The following MAP3K9 variants were observed in gnomAD, a reference collection of about 807,000 sequenced individuals.
MAP3K9 encodes the protein mitogen-activated protein kinase kinase kinase 9, also known as mixed lineage kinase 1 (tyr and ser/thr specificity).
In MAP3K9, 46 loss-of-function variants were observed where a neutral mutation model predicts 95.8. The observed-to-expected ratio is 0.48, with a 90% CI of 0.38 to 0.61. The LOEUF (loss-of-function observed/expected upper bound fraction) is 0.61, where lower values mean the gene tolerates loss of function less well. MAP3K9 is among the 20% of genes least tolerant of loss of function. The probability of loss-of-function intolerance (pLI) is 0.00; values close to 1 mark genes in which losing one functional copy is unlikely to be tolerated. For missense variants in MAP3K9, 1,296 were observed against 1,474.3 expected, an observed-to-expected ratio of 0.88 and a Z score of 1.98; for synonymous variants, 533 against 593.8, an observed-to-expected ratio of 0.90 and a Z score of 1.49.
rs2053928627 is a variant in MAP3K9, at chr14:70,732,879, GGCAGAGGGGTCT to G, written c.2478_2489del (p.Asp827_Ala830del). The G allele has an allele frequency of 1.2e-6, 2 of 1,613,898 alleles. No homozygotes were observed. The highest frequency in any genetic ancestry group is 8.5e-7 in the Non-Finnish European group (1 of 1,179,842). On this transcript the variant is annotated inframe_deletion, in exon 11 of 12. Coordinates refer to ENST00000554752, the MANE Select transcript of MAP3K9 (RefSeq NM_001284230.2). ...AGGAGAGGGAGAGCAGCGTCAGGGA[GGCAGAGGGGTCT>G]CCTAGCAACAGCATGGGCTCCTCCT...
chr14:70,751,797 C>G (rs1253082282), intron 3 of MAP3K9, among the ~76,000 whole-genome samples: 6 of 152,178 alleles, frequency 3.9e-5, no homozygotes, highest in Non-Finnish European at 7.4e-5. Context: ...AGACACTTTA[C>G]AAACATCACT....
rs373164855 is a variant in MAP3K9 at position 70,733,204 on chromosome 14, G to A, written c.2165C>T (p.Thr722Ile). 1.9e-6 allele frequency: 3 copies of A among 1,611,438 alleles called. No individual in the cohort carries two copies. Among genetic ancestry groups the A allele is most frequent in the Non-Finnish European group, 2.5e-6 (3 of 1,178,106 alleles). Reference sequence around the variant, plus strand: ...GGTACTCGTGGCCGAGTTGACTGGGGTGGGCTCCTCATGGATTCCATCACT... The same window carrying A: ...GGTACTCGTGGCCGAGTTGACTGGGATGGGCTCCTCATGGATTCCATCACT... ...PSSDGIHEEP[T>I]PVNSATSTPQ... Residue 722 changes from threonine to isoleucine, a missense_variant, in exon 11 of 12, where the codon ACC (threonine) becomes ATC (isoleucine). Thr to Ile is a moderately conservative substitution (Grantham distance 89). Coordinates refer to ENST00000554752, the MANE Select transcript of MAP3K9 (RefSeq NM_001284230.2).
intron 1 of MAP3K9, among the ~76,000 whole-genome samples, chr14:70,806,188 CA>C (rs1342455070): frequency 1.3e-5 from 2 of 152,190 alleles, no homozygotes; most frequent in African/African-American, 4.8e-5. Flanking sequence ...CCGAGTGACA[CA>C]AACTGATCTG....
In MAP3K9 at chr14:70,742,561, G is replaced by A. The variant is rs752979159; in HGVS notation, c.1357C>T (p.Arg453Trp). Residue 453 changes from arginine to tryptophan, a missense_variant, in exon 6 of 12, where the codon CGG becomes TGG. Physicochemically the swap from Arg to Trp is moderately radical, Grantham distance 101. Coordinates refer to ENST00000554752, the MANE Select transcript of MAP3K9 (RefSeq NM_001284230.2). ...ELRTWEEELT[R>W]AALQQKNQEE... ...TGGTTCTTCTGCTGCAGTGCAGCCC[G>A]CGTCAGCTCCTCCTCCCAGGTGCGA... 8.7e-6 allele frequency: 14 copies of A among 1,613,970 alleles called. No individual in the cohort carries two copies. Among genetic ancestry groups the A allele is most frequent in the East Asian group, 2.2e-5 (1 of 44,892 alleles).
chr14:70,739,490 A>ATAGG (rs1245102941), intron 7 of MAP3K9, among the ~76,000 whole-genome samples: 1 of 135,006 alleles, frequency 7.4e-6, no homozygotes, highest in Non-Finnish European at 1.6e-5. Flanking sequence ...TCATTCACAT[A>ATAGG]TAGGTGTATG....
At chr14:70,778,276 ATTTT>A (rs71105734) in intron 2 of MAP3K9, among the ~76,000 whole-genome samples, 1 of 122,848 alleles carries the variant, frequency 8.1e-6, no homozygotes. Context: ...ACGCCCAGCT[ATTTT>A]TTTTTTTTTT....
intron 3 of MAP3K9, among the ~76,000 whole-genome samples, chr14:70,755,878 T>G (rs1041145214): frequency 6.6e-6 from 1 of 152,178 alleles, no homozygotes; most frequent in Non-Finnish European, 1.5e-5. Context: ...CTAGAGCAAC[T>G]AGAGACCTGC....
At position 70,730,326 on chromosome 14, in the gene MAP3K9, A is replaced by G. The variant is rs538952720; in HGVS notation, c.*54T>C. The G allele has an allele frequency of 5.4e-4, 844 of 1,560,654 alleles. 14 individuals are homozygous for G. In the South Asian group the frequency reaches 9.5e-3, roughly 18 times the overall value. ...ACCCTGAGAAAGGGCTGTGCCCGCC[A>G]GCTCCCCTCATCTCCGCTGGCTGTC... On this transcript the variant is annotated 3_prime_UTR_variant, in exon 12 of 12. Transcript: ENST00000554752.
rs773588650 is a variant in MAP3K9 at position 70,730,837 on chromosome 14, C to T, written c.2858G>A (p.Arg953Gln). ...GAGACGGGGGAATTCACCTGGGTCT[C>T]GGCTGGGACTGGGGGTTTTCAACAT... ...AGMLKTPSPS[R>Q]DPGEFPRLPD... The change falls in exon 12 of 12, where the codon CGA becomes CAA. Residue 953 changes from arginine to glutamine, a missense_variant. By Grantham distance (43) the Arg-to-Gln change is conservative. Coordinates refer to ENST00000554752, the MANE Select transcript of MAP3K9 (RefSeq NM_001284230.2). 4.2e-5 allele frequency: 68 copies of T among 1,608,372 alleles called. No individual in the cohort carries two copies. The Admixed American group carries it at 7.7e-4, about 18-fold the overall frequency.
chr14:70,796,177 T>C (rs767274499), intron 2 of MAP3K9, among the ~76,000 whole-genome samples: 53 of 152,188 alleles, frequency 3.5e-4, no homozygotes, highest in Admixed American at 6.5e-5. Flanking sequence ...ACCTTTCCAT[T>C]TAAGACCATC....
At position 70,748,868 on chromosome 14, in the gene MAP3K9, C is replaced by T; in HGVS notation, c.1287G>A (p.Glu429=). The T allele has an allele frequency of 5.6e-6, 9 of 1,613,904 alleles. No individual in the cohort carries two copies. The highest frequency in any genetic ancestry group is 7.6e-6 in the Non-Finnish European group (9 of 1,179,936). Residue 429 remains glutamate (E), a synonymous_variant, in exon 5 of 12, where the codon GAG becomes GAA. Transcript: ENST00000554752. ...TGAGTTGGTCAAACATCTCCTGAAT[C>T]TCGTGTTTCCAGTTGTCCTGCAGGC... ...FHCLQDNWKH[E]IQEMFDQLRA... is the part of the protein sequence containing the mutation.
At chr14:70,786,143 C>G (rs2054742491) in intron 2 of MAP3K9, among the ~76,000 whole-genome samples, 1 of 152,116 alleles carries the variant, frequency 6.6e-6, no homozygotes, top group African/African-American at 2.4e-5. Context: ...TTTTCCATTG[C>G]CATCCATGGG....
chr14:70,798,483 T>TTTTTTTC (rs2054890917), intron 2 of MAP3K9, among the ~76,000 whole-genome samples: 2 of 132,534 alleles, frequency 1.5e-5, no homozygotes, highest in Non-Finnish European at 3.3e-5. Context: ...TTTTTTTTTT[T>TTTTTTTC]TTTTTTTTTT....
At chr14:70,793,826 G>T (rs1385248444) in intron 2 of MAP3K9, among the ~76,000 whole-genome samples, 1 of 152,202 alleles carries the variant, frequency 6.6e-6, no homozygotes, top group Non-Finnish European at 1.5e-5. Context: ...AACTTGGCAG[G>T]TTGGCTTACA....
In MAP3K9 at chr14:70,734,545, T is replaced by A. The variant is rs1309741496; in HGVS notation, c.1914-47A>T. ...AACTGTCAGAACTGGTTACCTTTCT[T>A]ACTTGACCCTCAGCTCCATGGGTCT... On this transcript the variant is annotated intron_variant, in intron 9 of 11. Transcript: ENST00000554752. 11 of 1,099,286 alleles carry A rather than the reference T, an allele frequency of 1.0e-5. No individual in the cohort carries two copies. In the Admixed American group the frequency reaches 1.9e-4, roughly 19 times the overall value. 68.1% of individuals were successfully genotyped at this position (1,099,286 alleles called of 1,614,324 possible). A position where few individuals can be genotyped will look rare whatever the true frequency, so the allele number is the denominator to read the frequency against.
intron 1 of MAP3K9, among the ~76,000 whole-genome samples, chr14:70,802,090 A>G (rs931946846): frequency 6.6e-6 from 1 of 152,220 alleles, no homozygotes; most frequent in African/African-American, 2.4e-5. Context: ...TTTAGAAAGG[A>G]AATCAACTCT....
At chr14:70,749,885 A>T (rs1566740283) in intron 4 of MAP3K9, 48 bp downstream of exon 4, 1 of 1,612,092 alleles carries the variant, frequency 6.2e-7, no homozygotes. Context: ...CCCAGTGCTT[A>T]CAAGAGGCAA....
intron 8 of MAP3K9, among the ~76,000 whole-genome samples, chr14:70,736,968 A>G (rs895105541): frequency 3.9e-5 from 6 of 152,326 alleles, no homozygotes; most frequent in South Asian, 2.1e-4. Context: ...GATTTTGGAC[A>G]TGGAATCTTA....
At position 70,732,394 on chromosome 14, in the gene MAP3K9, C is replaced by T. The variant is rs113972051; in HGVS notation, c.2830+145G>A. ...AGCCAGCCCTGGCTGCCTCCCTGAT[C>T]CCAGATCTGTATTTCTTGATTGGCT... On this transcript the variant is annotated intron_variant, in intron 11 of 11. Transcript: ENST00000554752. 17 of 1,288,546 alleles carry T rather than the reference C, an allele frequency of 1.3e-5. No individual in the cohort carries two copies. The African/African-American group carries it at 2.6e-4, about 20-fold the overall frequency. The allele number at this position is 1,288,546 out of a possible 1,614,324, so 79.8% of individuals were successfully genotyped here.
Sources: gnomAD v4.1 joint callset for allele counts (sites outside exome capture counted in the v4.1 genomes callset) on GRCh38, gnomAD v4.1.1 for gene constraint, MANE v1.5 for transcripts, NCBI Gene and HGNC (gene_info 2026-07-23, HGNC 2026-07-21) for gene names.